Variants in FLNB observed in about 807,000 individuals in gnomAD.
FLNB encodes the protein filamin B, also known as filamin-B.
A neutral mutation model predicts 250.6 loss-of-function variants in FLNB; 111 were observed. That is an observed-to-expected ratio of 0.44 (90% CI 0.38 to 0.52). The LOEUF (loss-of-function observed/expected upper bound fraction) is 0.52, where lower values mean the gene tolerates loss of function less well. FLNB is among the 20% of genes least tolerant of loss of function. The pLI, the probability that FLNB is intolerant of heterozygous loss-of-function variation, is 0.00. For missense variants in FLNB, 2,869 were observed against 3,447.8 expected, an observed-to-expected ratio of 0.83 and a Z score of 4.20; for synonymous variants, 1,302 against 1,372.1, an observed-to-expected ratio of 0.95 and a Z score of 1.13.
At chr3:58,155,507 A>G (rs543692699) in intron 40 of FLNB, among the ~76,000 whole-genome samples, 22 of 152,382 alleles carry the variant, frequency 1.4e-4, no homozygotes, top group African/African-American at 5.3e-4. Flanking sequence ...ATTAACTGTC[A>G]TCAAAGTGAC....
intron 1 of FLNB, among the ~76,000 whole-genome samples, chr3:58,076,114 C>T (rs776571958): frequency 6.6e-6 from 1 of 152,162 alleles, no homozygotes; most frequent in Non-Finnish European, 1.5e-5. Context: ...TTAAGAATGA[C>T]TGACGTGTCA....
chr3:58,163,660 G>T (rs1034401284), intron 43 of FLNB: 24 of 352,386 alleles, frequency 6.8e-5, no homozygotes, highest in Non-Finnish European at 1.2e-4. Flanking sequence ...AATTTTGAGG[G>T]TTTCTTTGCC....
intron 24 of FLNB, among the ~76,000 whole-genome samples, chr3:58,127,530 T>C (rs899731572): frequency 6.6e-6 from 1 of 152,166 alleles, no homozygotes. Context: ...CTATGACACT[T>C]TGGGCTAGAT....
At chr3:58,046,403 T>G (rs1210341618) in intron 1 of FLNB, among the ~76,000 whole-genome samples, 3 of 152,128 alleles carry the variant, frequency 2.0e-5, no homozygotes, top group Non-Finnish European at 2.9e-5. Flanking sequence ...AGTATGCAAT[T>G]TTTAGTATAT....
At chr3:58,064,934 G>A (rs1415366678) in intron 1 of FLNB, among the ~76,000 whole-genome samples, 1 of 152,134 alleles carries the variant, frequency 6.6e-6, no homozygotes, top group Non-Finnish European at 1.5e-5. Flanking sequence ...CAGCTACTTA[G>A]AAAGCTGAGG....
At chr3:58,078,666 A>T (rs2097204909) in intron 2 of FLNB, 51 bp from the exon 3 acceptor site, 2 of 1,561,690 alleles carry the variant, frequency 1.3e-6, no homozygotes, top group Non-Finnish European at 8.8e-7. Flanking sequence ...GGTTTCCTTT[A>T]ATCTCTTTGG....
At chr3:58,027,571 C>T (rs116074945) in intron 1 of FLNB, among the ~76,000 whole-genome samples, 5 of 152,128 alleles carry the variant, frequency 3.3e-5, no homozygotes, top group Non-Finnish European at 7.3e-5. Flanking sequence ...CATGAGCCAC[C>T]GCGCCTGGCC....
At chr3:58,059,237 A>G (rs1439504752) in intron 1 of FLNB, among the ~76,000 whole-genome samples, 1 of 151,998 alleles carries the variant, frequency 6.6e-6, no homozygotes, top group African/African-American at 2.4e-5. Flanking sequence ...AAATTCTAAC[A>G]TGTGTTTTTC....
Position 58,149,969 on chromosome 3 carries a change from G to T in FLNB, c.6211G>T (p.Val2071Phe). 6.2e-7 allele frequency: 1 copy of T among 1,614,228 alleles called. No individual in the cohort carries two copies. Among genetic ancestry groups the T allele is most frequent in the Non-Finnish European group, 8.5e-7 (1 of 1,180,046 alleles). Residue 2071 changes from valine (V) to phenylalanine (F), a missense_variant, in exon 37 of 46, where the codon GTC (valine) becomes TTC (phenylalanine). By Grantham distance (50) the Val-to-Phe change is conservative (BLOSUM62 -1). Around this residue, in one of 5 missense-constraint regions of FLNB, gnomAD observed 1,084 missense variants for 1,315.5 expected, o/e 0.82. Coordinates refer to ENST00000295956, the MANE Select transcript of FLNB (RefSeq NM_001457.4). ...YFPTVPGVYI[V>F]STKFADEHVP... ...CCCTACCGTGCCTGGGGTTTATATC[G>T]TCTCCACCAAATTCGCTGACGAGCA... is the stretch of plus-strand genomic sequence containing the variant.
intron 12 of FLNB, 59 bp from the exon 13 acceptor site, chr3:58,108,399 T>G: frequency 9.2e-7 from 1 of 1,088,942 alleles, no homozygotes; most frequent in Non-Finnish European, 1.4e-6. Context: ...CCTGTCTTTG[T>G]ATAAGGGTTT....
At chr3:58,031,782 C>T (rs556085396) in intron 1 of FLNB, among the ~76,000 whole-genome samples, 2 of 150,940 alleles carry the variant, frequency 1.3e-5, no homozygotes, top group East Asian at 4.0e-4. Flanking sequence ...GGGTTCAAGC[C>T]ATCCTCCCAC....
At chr3:58,102,526 G>A (rs1330846175) in intron 9 of FLNB, among the ~76,000 whole-genome samples, 186 bp downstream of exon 9, 1 of 152,220 alleles carries the variant, frequency 6.6e-6, no homozygotes, top group Admixed American at 6.5e-5. Context: ...CCCTGGATGC[G>A]GCCAGTGGGT....
At chr3:58,168,348 G>T in intron 43 of FLNB, 92 bp from the exon 44 acceptor site, 1 of 951,864 alleles carries the variant, frequency 1.1e-6, no homozygotes. Flanking sequence ...CCCTCTGTAA[G>T]GGGATCTATG....
In FLNB at chr3:58,136,103, T is replaced by C; in HGVS notation, c.4796T>C (p.Ile1599Thr). Residue 1599 changes from isoleucine (I) to threonine (T), a missense_variant, in exon 28 of 46, where the codon ATC becomes ACC. Transcript: ENST00000295956. ...MIGVTYGGDD[I>T]PLSPYRIRAT... is the part of the protein sequence containing the mutation. ...GGAGTCACCTACGGGGGTGACGACA[T>C]CCCACTTTCTCCTTATCGCATCCGA... The C allele has an allele frequency of 6.2e-7, 1 of 1,614,156 alleles. No homozygotes were observed. The highest frequency in any genetic ancestry group is 8.5e-7 in the Non-Finnish European group (1 of 1,180,022).
intron 1 of FLNB, among the ~76,000 whole-genome samples, chr3:58,033,810 A>G (rs993507677): frequency 5.9e-5 from 9 of 152,176 alleles, no homozygotes; most frequent in Non-Finnish European, 7.3e-5. Flanking sequence ...GTATGGATAT[A>G]CTACATTTTG....
At chr3:58,147,340 C>G (rs2097337374) in intron 34 of FLNB, among the ~76,000 whole-genome samples, 1 of 152,202 alleles carries the variant, frequency 6.6e-6, no homozygotes, top group Non-Finnish European at 1.5e-5. Context: ...AGCGTCACTA[C>G]TAGGTAAATT....
chr3:58,075,111 AC>A (rs2097199859), intron 1 of FLNB, among the ~76,000 whole-genome samples: 1 of 151,970 alleles, frequency 6.6e-6, no homozygotes, highest in Admixed American at 6.6e-5. Context: ...CATGCCATGC[AC>A]CCCTTATCAG....
intron 1 of FLNB, among the ~76,000 whole-genome samples, chr3:58,060,632 C>T (rs1452963581): frequency 6.6e-6 from 1 of 151,230 alleles, no homozygotes; most frequent in Non-Finnish European, 1.5e-5. Flanking sequence ...GGATTATAGG[C>T]GTGAGCTACT....
At chr3:58,063,970 T>C (rs2097181902) in intron 1 of FLNB, among the ~76,000 whole-genome samples, 2 of 152,146 alleles carry the variant, frequency 1.3e-5, no homozygotes, top group Admixed American at 1.3e-4. Context: ...AAAAGGTTTT[T>C]TTTTTCTTCC....
Sources: allele counts gnomAD v4.1 joint callset (sites outside exome capture counted in the v4.1 genomes callset), GRCh38; gene constraint gnomAD v4.1.1; regional missense constraint gnomAD v4.1.1; transcripts MANE v1.5; gene names NCBI Gene and HGNC (gene_info 2026-07-23, HGNC 2026-07-21).